The following EYA3 variants were observed in gnomAD, a reference collection of about 807,000 sequenced individuals.
EYA3 encodes protein phosphatase EYA3.
A neutral mutation model predicts 80.0 loss-of-function variants in EYA3; 39 were observed. That is an observed-to-expected ratio of 0.49 (90% CI 0.38 to 0.64). The LOEUF is 0.64. Among genes scored for constraint, EYA3 ranks in the 30% least tolerant of loss-of-function variants. The probability of loss-of-function intolerance (pLI) is 0.00; values close to 1 mark genes in which losing one functional copy is unlikely to be tolerated. For synonymous variants in EYA3, 206 were observed against 232.8 expected (o/e 0.88, Z 1.05); for missense variants, 523 against 676.1 (o/e 0.77, Z 2.51).
At position 28,003,318 on chromosome 1, in the gene EYA3, A is replaced by AAC. The variant is rs1557552138; in HGVS notation, c.993+1017_993+1018insGT. Among the ~76,000 whole-genome samples the AAC allele has an allele frequency of 1.5e-3, 219 of 146,006 alleles. 2 individuals carry two copies. The highest frequency in any genetic ancestry group is 4.4e-3 in the African/African-American group (173 of 39,402). On this transcript the variant is annotated intron_variant, in intron 11 of 17. Coordinates refer to ENST00000373871, the MANE Select transcript of EYA3 (RefSeq NM_001990.4). ...ACAACAACAACAACAACAACAACAA[A>AAC]ATTAGCCAGGCATGGTAACGGGCAC...
chr1:28,084,647 C>T (rs1278146426), intron 1 of EYA3, among the ~76,000 whole-genome samples: 1 of 109,484 alleles, frequency 9.1e-6, no homozygotes, highest in Non-Finnish European at 1.7e-5. Context: ...CTCGCTCTGT[C>T]GCCTAGGGTG....
At chr1:28,040,543 T>C (rs1643716551) in intron 4 of EYA3, among the ~76,000 whole-genome samples, 1 of 152,040 alleles carries the variant, frequency 6.6e-6, no homozygotes, top group South Asian at 2.1e-4. Context: ...AGAGGAAACA[T>C]GGTAGCCTAG....
chr1:28,035,173 A>C (rs932580395), intron 6 of EYA3, among the ~76,000 whole-genome samples: 2 of 152,170 alleles, frequency 1.3e-5, no homozygotes, highest in Admixed American at 1.3e-4. Context: ...GCAAACTATG[A>C]TACATATTCA....
At position 28,022,989 on chromosome 1, in the gene EYA3, T is replaced by G. The variant is rs111557215; in HGVS notation, c.499+4800A>C. Among the ~76,000 whole-genome samples, 461 of 151,568 alleles carry G rather than the reference T, an allele frequency of 3.0e-3. 1 individual carries two copies. The highest frequency in any genetic ancestry group is 0.011 in the African/African-American group (445 of 41,052). On this transcript the variant is annotated intron_variant, in intron 7 of 17. Transcript: ENST00000373871. The stretch of plus-strand genomic sequence containing the variant: ...TTCCAATAAAAGGAACCAGGATTCC[T>G]TAAAAAAAATGGTTGATAATAGGAC...
intron 16 of EYA3, among the ~76,000 whole-genome samples, chr1:27,980,618 G>A (rs2148705842): frequency 6.6e-6 from 1 of 152,344 alleles, no homozygotes; most frequent in South Asian, 2.1e-4. Flanking sequence ...TTCTGGATAT[G>A]AGCTTTCCTG....
chr1:28,071,997 C>T (rs1334592407), intron 1 of EYA3, among the ~76,000 whole-genome samples: 4 of 152,122 alleles, frequency 2.6e-5, no homozygotes, highest in African/African-American at 9.7e-5. Flanking sequence ...CTGTACTAGT[C>T]TCTGCTTAGC....
intron 6 of EYA3, 151 bp from the exon 7 acceptor site, chr1:28,028,077 GT>G: frequency 1.2e-6 from 1 of 809,158 alleles, no homozygotes; most frequent in Non-Finnish European, 1.9e-6. Flanking sequence ...TCTCCCACTT[GT>G]AATATATCAC....
chr1:28,047,419 GAC>G, intron 3 of EYA3, among the ~76,000 whole-genome samples: 1 of 152,140 alleles, frequency 6.6e-6, no homozygotes, highest in East Asian at 1.9e-4. Flanking sequence ...GATAGTTTAA[GAC>G]ATCATATGGC....
chr1:28,000,785 G>A (rs964224606), intron 11 of EYA3, among the ~76,000 whole-genome samples: 8 of 152,150 alleles, frequency 5.3e-5, no homozygotes, highest in Non-Finnish European at 1.0e-4. Flanking sequence ...AAATTTGGCC[G>A]GGTACAGTGG....
At chr1:28,047,639 CTTTTTTTTT>C in intron 3 of EYA3, among the ~76,000 whole-genome samples, 1 of 133,210 alleles carries the variant, frequency 7.5e-6, no homozygotes, top group Non-Finnish European at 1.6e-5. Flanking sequence ...CCTCTTTTCT[CTTTTTTTTT>C]TTTTTTTTGA....
chr1:27,985,299 G>A (rs1378382411), intron 16 of EYA3, among the ~76,000 whole-genome samples: 1 of 151,738 alleles, frequency 6.6e-6, no homozygotes, highest in Non-Finnish European at 1.5e-5. Flanking sequence ...GGCTGGTCTT[G>A]AACCCCCGGG....
intron 1 of EYA3, among the ~76,000 whole-genome samples, chr1:28,070,167 T>C (rs1483915850): frequency 6.6e-6 from 1 of 152,202 alleles, no homozygotes; most frequent in African/African-American, 2.4e-5. Flanking sequence ...TGTTTTTTGT[T>C]TGCTTGGTTT....
At chr1:28,023,089 G>T (rs931839187) in intron 7 of EYA3, among the ~76,000 whole-genome samples, 1 of 126,300 alleles carries the variant, frequency 7.9e-6, no homozygotes, top group African/African-American at 3.3e-5. Flanking sequence ...GGGTGGGGGG[G>T]GGGGGGAAAA....
In EYA3 at chr1:28,039,512, G is replaced by C. The variant is rs185808967; in HGVS notation, c.158-607C>G. On this transcript the variant is annotated intron_variant, in intron 4 of 17. Coordinates refer to ENST00000373871, the MANE Select transcript of EYA3 (RefSeq NM_001990.4). ...TGAGGAACTGATGTGATACTCTGATGAACTCTCAAAGACTTTTCCAGCTAT... is the reference window on the plus strand; with the variant it reads ...TGAGGAACTGATGTGATACTCTGATCAACTCTCAAAGACTTTTCCAGCTAT... Among the ~76,000 whole-genome samples, 272 of 152,282 alleles carry C rather than the reference G, an allele frequency of 1.8e-3. 1 individual carries two copies. Among genetic ancestry groups the C allele is most frequent in the South Asian group, 7.5e-3 (36 of 4,826 alleles).
At chr1:28,020,545 C>T (rs1642359558) in intron 7 of EYA3, among the ~76,000 whole-genome samples, 1 of 151,950 alleles carries the variant, frequency 6.6e-6, no homozygotes. Flanking sequence ...TTTTTTTAGG[C>T]TCTTATAACC....
At chr1:27,986,657 A>G (rs1378787238) in intron 16 of EYA3, among the ~76,000 whole-genome samples, 2 of 151,978 alleles carry the variant, frequency 1.3e-5, no homozygotes, top group African/African-American at 4.8e-5. Context: ...TTGGCCTCCC[A>G]AAGTGCTGGG....
chr1:28,055,763 G>A (rs568951095), intron 2 of EYA3, among the ~76,000 whole-genome samples: 1 of 152,172 alleles, frequency 6.6e-6, no homozygotes, highest in South Asian at 2.1e-4. Context: ...GAGCCACTAC[G>A]TCCAGCCGAT....
chr1:28,055,900 A>G (rs1457111358), intron 2 of EYA3, among the ~76,000 whole-genome samples: 1 of 152,174 alleles, frequency 6.6e-6, no homozygotes, highest in Non-Finnish European at 1.5e-5. Context: ...CATCAGTAAC[A>G]TCTCTAGGAT....
In EYA3 at chr1:28,042,493, C is replaced by T. The variant is rs570436944; in HGVS notation, c.157+78G>A. 227 of 1,342,368 alleles carry T rather than the reference C, an allele frequency of 1.7e-4. 5 individuals are homozygous for T. The South Asian group carries it at 2.5e-3, about 15-fold the overall frequency. 83.2% of individuals were successfully genotyped at this position (1,342,368 alleles called of 1,614,324 possible). On this transcript the variant is annotated intron_variant, in intron 4 of 17. Coordinates refer to ENST00000373871, the MANE Select transcript of EYA3 (RefSeq NM_001990.4). ...TATTTTGGGACAAACAAGGCAATTA[C>T]GAAAAACCAACTCTATAAGAAAAGC...
Sources: allele counts gnomAD v4.1 joint callset (sites outside exome capture counted in the v4.1 genomes callset), GRCh38; gene constraint gnomAD v4.1.1; transcripts MANE v1.5; gene names NCBI Gene and HGNC (gene_info 2026-07-23, HGNC 2026-07-21).